The following NCR2 variants were observed in gnomAD, a reference collection of about 807,000 sequenced individuals.
The protein encoded by NCR2 is NK cell activating receptor (NKp44).
In NCR2, 35 loss-of-function variants were observed where a neutral mutation model predicts 30.7. The ratio of observed to expected loss-of-function variants is 1.14; its 90% CI spans 0.87 to 1.51. NCR2 has a LOEUF of 1.51. Ranked by LOEUF, NCR2 falls within the 40% of genes most tolerant of loss-of-function variation. NCR2 has a pLI of 0.00. For synonymous variants in NCR2, 146 were observed against 134.8 expected (o/e 1.08, Z -0.58); for missense variants, 316 against 328.9 (o/e 0.96, Z 0.30).
chr6:41,343,018 G>A (rs1561943185), intron 4 of NCR2: 2 of 1,550,436 alleles, frequency 1.3e-6, no homozygotes, highest in African/African-American at 2.7e-5. Context: ...GAGCCACAGG[G>A]CACCAGGTGG....
chr6:41,342,315 C>T (rs1769195057), intron 4 of NCR2, among the ~76,000 whole-genome samples, 166 bp downstream of exon 4: 2 of 152,172 alleles, frequency 1.3e-5, no homozygotes, highest in Admixed American at 1.3e-4. Flanking sequence ...ACATGTCACA[C>T]AGGCTCACCT....
chr6:41,341,724 C>T (rs932889504), intron 2 of NCR2, 70 bp from the exon 3 acceptor site: 12 of 1,532,222 alleles, frequency 7.8e-6, no homozygotes, highest in African/African-American at 2.7e-5. Context: ...CTCCCCCATC[C>T]AGCTCTCCTG....
At position 41,335,635 on chromosome 6, in the gene NCR2, C is replaced by T. The variant is rs1768999228; in HGVS notation, c.-242C>T. The T allele has an allele frequency of 7.3e-6, 4 of 551,004 alleles. No individual in the cohort carries two copies. In the East Asian group the frequency reaches 1.3e-4, roughly 18 times the overall value. 34.1% of individuals were successfully genotyped at this position (551,004 alleles called of 1,614,324 possible). A position where few individuals can be genotyped will look rare whatever the true frequency, so the allele number is the denominator to read the frequency against. ...GCATCTTCTACAGAGGCCTGGGAAG[C>T]TGTGTGCCAGACAGCGCCGAGCCCA... On this transcript the variant is annotated 5_prime_UTR_variant, in exon 1 of 5. Transcript: ENST00000373089.
chr6:41,341,084 C>CA (rs1769156643), intron 2 of NCR2, among the ~76,000 whole-genome samples: 1 of 152,154 alleles, frequency 6.6e-6, no homozygotes. Flanking sequence ...CTTCCTCTCC[C>CA]AGCCTTGGTT....
intron 2 of NCR2, among the ~76,000 whole-genome samples, chr6:41,340,779 G>A (rs1198474454): frequency 6.6e-6 from 1 of 152,138 alleles, no homozygotes; most frequent in African/African-American, 2.4e-5. Context: ...GATTTTACCA[G>A]AGTGTCCCAA....
At position 41,336,431 on chromosome 6, in the gene NCR2, G is replaced by A. The variant is rs139415365; in HGVS notation, c.394+3G>A. ...ATTCTATCTGGTGGTATCTCCAGGT[G>A]AGCTCTTTCCCTAGGGTCCTCAGAG... is the stretch of plus-strand genomic sequence containing the variant. On this transcript the variant is annotated splice_donor_region_variant and intron_variant, in intron 2 of 4. Transcript: ENST00000373089. 1.2e-3 allele frequency: 2,002 copies of A among 1,609,338 alleles called. 3 individuals carry two copies. Among genetic ancestry groups the A allele is most frequent in the Non-Finnish European group, 1.4e-3 (1,677 of 1,176,398 alleles).
Position 41,336,236 on chromosome 6 carries a change from AC to A in NCR2, c.204del (p.Ser69AlafsTer28). ...AGCACTTGTGTGCATCAGGTTAGTC[AC>A]CAGCTCCAAGCCCAGGACGATGGCT... ...ASALVCIRLVTSSKPRTMAWT... is the reference protein window; with the variant it reads ...ASALVCIRLVXSSKPRTMAWT... On this transcript the variant is annotated frameshift_variant, in exon 2 of 5. Coordinates refer to ENST00000373089, the MANE Select transcript of NCR2 (RefSeq NM_004828.4). LOFTEE classifies it high-confidence loss of function. The A allele has an allele frequency of 2.5e-6, 4 of 1,614,178 alleles. No individual in the cohort carries two copies. Among genetic ancestry groups the A allele is most frequent in the Non-Finnish European group, 3.4e-6 (4 of 1,180,032 alleles).
At chr6:41,337,822 A>T (rs1045165139) in intron 2 of NCR2, among the ~76,000 whole-genome samples, 13 of 152,352 alleles carry the variant, frequency 8.5e-5, no homozygotes, top group South Asian at 4.1e-4. Context: ...CCAAAACTTT[A>T]TCCTAAAACT....
chr6:41,342,903 T>TC (rs1769212050), intron 4 of NCR2: 1 of 1,547,350 alleles, frequency 6.5e-7, no homozygotes, highest in South Asian at 1.2e-5. Context: ...CATGTATTTC[T>TC]CCCCTCATCT....
intron 1 of NCR2, 39 bp from the exon 2 acceptor site, chr6:41,336,048 G>A (rs765734296): frequency 1.7e-5 from 27 of 1,595,642 alleles, no homozygotes; most frequent in Middle Eastern, 1.7e-4. Context: ...CAGGTTGTGC[G>A]CGTGGCCTTG....
intron 4 of NCR2, among the ~76,000 whole-genome samples, chr6:41,347,740 G>A (rs1250935415): frequency 6.6e-6 from 1 of 152,188 alleles, no homozygotes; most frequent in Non-Finnish European, 1.5e-5. Context: ...TTGGGGGGAT[G>A]GGGGTGTGAT....
At chr6:41,337,716 G>A (rs3804278) in intron 2 of NCR2, among the ~76,000 whole-genome samples, 2 of 151,948 alleles carry the variant, frequency 1.3e-5, no homozygotes, top group African/African-American at 4.8e-5. Flanking sequence ...AAGCAATTCC[G>A]ACAAGCTCAA....
chr6:41,345,807 G>C (rs180728454), intron 4 of NCR2, among the ~76,000 whole-genome samples: 8 of 152,140 alleles, frequency 5.3e-5, no homozygotes, highest in Non-Finnish European at 7.4e-5. Flanking sequence ...TGCACCTGAA[G>C]TGCGCAGTCA....
chr6:41,342,196 G>T, intron 4 of NCR2, 47 bp downstream of exon 4: 1 of 1,604,426 alleles, frequency 6.2e-7, no homozygotes. Context: ...ACAGGGAACA[G>T]CTTCTGCCCA....
chr6:41,340,214 T>C (rs1451448743), intron 2 of NCR2, among the ~76,000 whole-genome samples: 1 of 149,436 alleles, frequency 6.7e-6, no homozygotes, highest in Non-Finnish European at 1.5e-5. Context: ...CAGGCTGGAG[T>C]GCGGTGGCGC....
intron 2 of NCR2, among the ~76,000 whole-genome samples, chr6:41,336,709 G>T (rs1769040588): frequency 6.6e-6 from 1 of 152,130 alleles, no homozygotes; most frequent in African/African-American, 2.4e-5. Context: ...CTACAGGAGG[G>T]CAGGACCACC....
In NCR2 at chr6:41,350,445, G is replaced by A. The variant is rs146695003; in HGVS notation, c.645-233G>A. ...GCCCCTCTTCTTGGTGGACAGTAGA[G>A]GAAAATAAAGGAAAAAATCAGGGTG... On this transcript the variant is annotated intron_variant, in intron 4 of 4. Transcript: ENST00000373089. Among the ~76,000 whole-genome samples, 261 of 152,232 alleles carry A rather than the reference G, an allele frequency of 1.7e-3. 5 individuals are homozygous for A. Among genetic ancestry groups the A allele is most frequent in the African/African-American group, 6.1e-3 (254 of 41,546 alleles).
intron 2 of NCR2, among the ~76,000 whole-genome samples, chr6:41,338,756 C>T (rs1333636179): frequency 6.6e-6 from 1 of 152,210 alleles, no homozygotes; most frequent in Non-Finnish European, 1.5e-5. Context: ...GGTCATCCAT[C>T]TTGTTATCCA....
In NCR2 at chr6:41,335,854, T is replaced by G. The variant is rs9394782; in HGVS notation, c.-23T>G. ...AGTCTTCTCCAGGTGTCCCCTCCCA[T>G]GAGCGCACAGGAAAAGGACCACATG... is the stretch of plus-strand genomic sequence containing the variant. On this transcript the variant is annotated 5_prime_UTR_variant, in exon 1 of 5. The change abolishes an upstream ATG in the 5' untranslated region. Transcript: ENST00000373089. The G allele has an allele frequency of 7.4e-4, 1,155 of 1,559,880 alleles. 8 individuals carry two copies. The African/African-American group carries it at 0.014, about 20-fold the overall frequency.
Sources: gnomAD v4.1 joint callset for allele counts (sites outside exome capture counted in the v4.1 genomes callset) on GRCh38, gnomAD v4.1.1 for gene constraint, MANE v1.5 for transcripts, NCBI Gene and HGNC (gene_info 2026-07-23, HGNC 2026-07-21) for gene names.